Variants in WASHC5 observed in about 807,000 individuals in gnomAD.
WASHC5 encodes the protein WASH complex subunit 5.
In WASHC5, 101 loss-of-function variants were observed where a neutral mutation model predicts 150.4. The observed-to-expected ratio is 0.67, with a 90% CI of 0.57 to 0.79. The LOEUF (loss-of-function observed/expected upper bound fraction) is 0.79, where lower values mean the gene tolerates loss of function less well. Among genes scored for constraint, WASHC5 ranks in the 30% least tolerant of loss-of-function variants. The probability of loss-of-function intolerance (pLI) is 0.00; values close to 1 mark genes in which losing one functional copy is unlikely to be tolerated. For missense variants in WASHC5, 1,195 were observed against 1,396.3 expected (o/e 0.86, Z 2.30); for synonymous variants, 467 against 491.2 (o/e 0.95, Z 0.65).
intron 10 of WASHC5, among the ~76,000 whole-genome samples, chr8:125,064,973 G>A (rs2130125328): frequency 6.6e-6 from 1 of 152,260 alleles, no homozygotes; most frequent in African/African-American, 2.4e-5. Flanking sequence ...GAGTCCCTCG[G>A]ATCAATCAAT....
intron 18 of WASHC5, among the ~76,000 whole-genome samples, chr8:125,049,549 T>A (rs998240009): frequency 9.9e-5 from 15 of 151,074 alleles, no homozygotes; most frequent in African/African-American, 3.7e-4. Flanking sequence ...AGAGCAAGAC[T>A]TAATCTTAAA....
chr8:125,065,532 G>A (rs926945261), intron 10 of WASHC5, among the ~76,000 whole-genome samples: 2 of 151,788 alleles, frequency 1.3e-5, no homozygotes, highest in African/African-American at 4.8e-5. Context: ...ACTCAACAAT[G>A]CTGAACTACA....
At chr8:125,051,857 G>A (rs1816250602) in intron 17 of WASHC5, among the ~76,000 whole-genome samples, 1 of 152,134 alleles carries the variant, frequency 6.6e-6, no homozygotes, top group Non-Finnish European at 1.5e-5. Flanking sequence ...ACTCCAGCCT[G>A]GGCAACAAGA....
intron 9 of WASHC5, among the ~76,000 whole-genome samples, chr8:125,072,364 G>C (rs1484530031): frequency 2.7e-5 from 2 of 73,058 alleles, no homozygotes; most frequent in Non-Finnish European, 4.9e-5. Flanking sequence ...GGGGGGGGGG[G>C]CGGGCTCTTA....
At chr8:125,052,744 T>C (rs1022577766) in intron 17 of WASHC5, among the ~76,000 whole-genome samples, 2 of 152,140 alleles carry the variant, frequency 1.3e-5, no homozygotes, top group African/African-American at 2.4e-5. Flanking sequence ...ACAGTACGAA[T>C]GCACCATGGA....
rs112713707 is a variant in WASHC5, at chr8:125,083,461, T to C, written c.187-203A>G. 1.6e-3 allele frequency among the ~76,000 whole-genome samples: 243 copies of C among 152,352 alleles called. 1 individual carries two copies. Among genetic ancestry groups the C allele is most frequent in the African/African-American group, 5.7e-3 (237 of 41,592 alleles). On this transcript the variant is annotated intron_variant, in intron 2 of 28. Coordinates refer to ENST00000318410, the MANE Select transcript of WASHC5 (RefSeq NM_014846.4). ...ATTTGAATTGGACCCAAGATTAGCA[T>C]GCTTTTAAGTATGGGGCCCTTCAAT...
At chr8:125,081,533 C>T in intron 5 of WASHC5, 128 bp downstream of exon 5, 2 of 724,016 alleles carry the variant, frequency 2.8e-6, no homozygotes, top group Non-Finnish European at 5.0e-6. Context: ...GCCACTGTGC[C>T]CGGCTGAATC....
At position 125,032,397 on chromosome 8, in the gene WASHC5, G is replaced by A; in HGVS notation, c.3182-3C>T. On this transcript the variant is annotated splice_polypyrimidine_tract_variant and splice_region_variant and intron_variant, in intron 26 of 28. Transcript: ENST00000318410. ...GGTCGGTTTTCGGCAGACCATTCCT[G>A]CAAGGGAACAAGTTGCAACACCATA... The A allele has an allele frequency of 6.2e-7, 1 of 1,613,824 alleles. No individual in the cohort carries two copies.
Position 125,059,421 on chromosome 8 carries a change from A to T in WASHC5, c.1643T>A (p.Met548Lys), listed in dbSNP as rs1816518746. ...GAAAGAAAGGTCCCCAACGATCTGCATTGTGATCAGAACCTCCTCTTTAAT... is the reference window on the plus strand; with the variant it reads ...GAAAGAAAGGTCCCCAACGATCTGCTTTGTGATCAGAACCTCCTCTTTAAT... ...INIKEEVLIT[M>K]QIVGDLSFAW... Residue 548 changes from methionine to lysine, a missense_variant, in exon 13 of 29, where the codon ATG becomes AAG. Around this residue, in one of 3 missense-constraint regions of WASHC5, gnomAD observed 997 missense variants for 1,168.1 expected, o/e 0.85. Coordinates refer to ENST00000318410, the MANE Select transcript of WASHC5 (RefSeq NM_014846.4). The T allele has an allele frequency of 4.3e-6, 7 of 1,614,192 alleles. No individual in the cohort carries two copies. The East Asian group carries it at 1.6e-4, about 36-fold the overall frequency.
chr8:125,028,450 A>G (rs1815433332), intron 28 of WASHC5, among the ~76,000 whole-genome samples, 170 bp downstream of exon 28: 1 of 152,198 alleles, frequency 6.6e-6, no homozygotes, highest in African/African-American at 2.4e-5. Context: ...GGCAATTCCC[A>G]TGGTGGAAAA....
Position 125,059,504 on chromosome 8 carries a change from T to C in WASHC5, c.1560A>G (p.Val520=), listed in dbSNP as rs751216588. 1.2e-6 allele frequency: 2 copies of C among 1,613,876 alleles called. No individual in the cohort carries two copies. Among genetic ancestry groups the C allele is most frequent in the South Asian group, 1.1e-5 (1 of 91,080 alleles). The change falls in exon 13 of 29, where the codon GTA becomes GTG. Residue 520 remains valine, a synonymous_variant. Coordinates refer to ENST00000318410, the MANE Select transcript of WASHC5 (RefSeq NM_014846.4). ...EFHQLESNLQ[V]CQFLADTRKF... is the part of the protein sequence containing the mutation. ...TTCGAGTATCGGCAAGAAACTGACA[T>C]ACTTGCAGATTGGATTCCAACTGGT...
intron 27 of WASHC5, among the ~76,000 whole-genome samples, chr8:125,031,287 T>G (rs1248165148): frequency 6.6e-6 from 1 of 152,152 alleles, no homozygotes; most frequent in Non-Finnish European, 1.5e-5. Context: ...TCGTTTTATT[T>G]TTTTTGAGAT....
chr8:125,054,893 G>A (rs1013433461), intron 17 of WASHC5, among the ~76,000 whole-genome samples: 5 of 149,554 alleles, frequency 3.3e-5, no homozygotes, highest in African/African-American at 9.8e-5. Context: ...AAAAATGAAG[G>A]AAGGAAAACA....
chr8:125,067,222 T>A (rs1192704211), intron 10 of WASHC5, among the ~76,000 whole-genome samples: 1 of 152,174 alleles, frequency 6.6e-6, no homozygotes, highest in Non-Finnish European at 1.5e-5. Flanking sequence ...ACCAGCCTGC[T>A]GGCCAGGCTG....
intron 26 of WASHC5, among the ~76,000 whole-genome samples, chr8:125,037,015 A>AAAATAAAT (rs1010118368): frequency 1.3e-5 from 2 of 152,254 alleles, no homozygotes; most frequent in East Asian, 1.9e-4. Context: ...CTCCATCTCA[A>AAAATAAAT]AAATAAATAA....
At chr8:125,029,430 A>G in intron 27 of WASHC5, among the ~76,000 whole-genome samples, 1 of 152,162 alleles carries the variant, frequency 6.6e-6, no homozygotes, top group East Asian at 1.9e-4. Flanking sequence ...GGCTGTCATA[A>G]TAGTTAGCAG....
At position 125,025,082 on chromosome 8, in the gene WASHC5, G is replaced by A. The variant is rs72720508; in HGVS notation, c.3424-409C>T. On this transcript the variant is annotated intron_variant, in intron 28 of 28. Transcript: ENST00000318410. ...TGGAGAGGTAGGGGAGGGCAGGAAT[G>A]AGAATGAGATACCAAGGCCAGAAGG... is the stretch of plus-strand genomic sequence containing the variant. 2.2e-3 allele frequency among the ~76,000 whole-genome samples: 341 copies of A among 152,166 alleles called. 1 individual carries two copies. The highest frequency in any genetic ancestry group is 4.1e-3 in the Non-Finnish European group (277 of 68,020).
In WASHC5 at chr8:125,038,796, C is replaced by G. The variant is rs780629887; in HGVS notation, c.3084+34G>C. On this transcript the variant is annotated intron_variant, in intron 25 of 28. Coordinates refer to ENST00000318410, the MANE Select transcript of WASHC5 (RefSeq NM_014846.4). ...CCTGGGCCAAATACCATTCTGTACCCCCATCCCCGCCATTATATATTTTAA... is the reference window on the plus strand; with the variant it reads ...CCTGGGCCAAATACCATTCTGTACCGCCATCCCCGCCATTATATATTTTAA... 28 of 1,612,016 alleles carry G rather than the reference C, an allele frequency of 1.7e-5. No individual in the cohort carries two copies. The East Asian group carries it at 3.3e-4, about 19-fold the overall frequency.
intron 27 of WASHC5, among the ~76,000 whole-genome samples, chr8:125,031,300 A>G (rs1245624985): frequency 1.3e-5 from 2 of 152,042 alleles, no homozygotes; most frequent in Admixed American, 6.5e-5. Flanking sequence ...TTTGAGATGG[A>G]GTCTCGCTCT....
Sources: gnomAD v4.1 joint callset for allele counts (sites outside exome capture counted in the v4.1 genomes callset) on GRCh38, gnomAD v4.1.1 for gene constraint, gnomAD v4.1.1 regional missense constraint, MANE v1.5 for transcripts, NCBI Gene and HGNC (gene_info 2026-07-23, HGNC 2026-07-21) for gene names.